The following NACC2 variants were observed in gnomAD, a reference collection of about 807,000 sequenced individuals.
The protein encoded by NACC2 is NACC family member 2.
In NACC2, 8 loss-of-function variants were observed where a neutral mutation model predicts 25.1. The ratio of observed to expected loss-of-function variants is 0.32; its 90% CI spans 0.19 to 0.57. NACC2 has a LOEUF of 0.57. Ranked by LOEUF, NACC2 falls within the 20% of genes least tolerant of loss-of-function variation. NACC2 has a pLI of 0.89. For synonymous variants in NACC2, 435 were observed against 294.7 expected, an observed-to-expected ratio of 1.48 and a Z score of -4.88; for missense variants, 644 against 650.2, an observed-to-expected ratio of 0.99 and a Z score of 0.10.
intron 1 of NACC2, among the ~76,000 whole-genome samples, chr9:136,085,189 G>A (rs1243026310): frequency 2.9e-5 from 3 of 104,464 alleles, no homozygotes; most frequent in Admixed American, 3.0e-4. Context: ...CGCTCTTGTC[G>A]CCCAGGCTGG....
chr9:136,027,005 G>T (rs529466198), intron 2 of NACC2, among the ~76,000 whole-genome samples: 2 of 152,178 alleles, frequency 1.3e-5, no homozygotes, highest in African/African-American at 2.4e-5. Context: ...GAAGCAGGGG[G>T]ATCACCCAAG....
At chr9:136,066,033 A>C (rs1193988656) in intron 1 of NACC2, among the ~76,000 whole-genome samples, 1 of 151,970 alleles carries the variant, frequency 6.6e-6, no homozygotes, top group African/African-American at 2.4e-5. Context: ...ATCTCTACTA[A>C]AAATACAAAA....
intron 5 of NACC2, among the ~76,000 whole-genome samples, chr9:136,012,364 C>G (rs1234361768): frequency 6.6e-6 from 1 of 152,260 alleles, no homozygotes; most frequent in Non-Finnish European, 1.5e-5. Context: ...GAGGGTCCCC[C>G]TTTCGGGAAT....
intron 1 of NACC2, among the ~76,000 whole-genome samples, chr9:136,075,491 T>C (rs1830252303): frequency 6.6e-6 from 1 of 152,230 alleles, no homozygotes; most frequent in Non-Finnish European, 1.5e-5. Context: ...ACCTGCCGTC[T>C]CCTACATCGC....
rs527391062 is a variant in NACC2 at position 136,019,320 on chromosome 9, G to A, written c.887-2891C>T. 15 of 152,254 alleles carry A rather than the reference G, an allele frequency of 9.9e-5. No individual in the cohort carries two copies. Among genetic ancestry groups the A allele is most frequent in the Non-Finnish European group, 1.9e-4 (13 of 68,072 alleles). The allele number at this position is 152,254 out of a possible 1,614,324, so 9.4% of individuals were successfully genotyped here. A position where few individuals can be genotyped will look rare whatever the true frequency, so the allele number is the denominator to read the frequency against. ...GGCCCCGTGAGTCGGGGCCAGAGCT[G>A]GGTTCCAGGGTGGCAGGAGGCCCCT... On this transcript the variant is annotated intron_variant, in intron 2 of 5. Transcript: ENST00000277554. This position sits in a 1 kb window ranked among gnomAD's most constrained non-coding sequence, Gnocchi z 5.2.
intron 1 of NACC2, among the ~76,000 whole-genome samples, chr9:136,082,432 G>A (rs1048761476): frequency 6.6e-6 from 1 of 152,186 alleles, no homozygotes; most frequent in Non-Finnish European, 1.5e-5. Flanking sequence ...GGGCAGGTGT[G>A]CACAGGGCCG....
chr9:136,012,066 G>A (rs760959919), intron 5 of NACC2, 42 bp from the exon 6 acceptor site: 37 of 1,472,258 alleles, frequency 2.5e-5, no homozygotes, highest in Middle Eastern at 1.8e-4. Flanking sequence ...CCTGCCTGCC[G>A]GGAGGCCCGC....
intron 1 of NACC2, among the ~76,000 whole-genome samples, chr9:136,087,451 G>A (rs946103858): frequency 2.0e-5 from 3 of 152,202 alleles, no homozygotes; most frequent in African/African-American, 4.8e-5. Context: ...AGACTCCCAC[G>A]GGGACCCCCA....
intron 2 of NACC2, among the ~76,000 whole-genome samples, chr9:136,041,062 A>G (rs1340458613): frequency 6.7e-6 from 1 of 149,134 alleles, no homozygotes; most frequent in Non-Finnish European, 1.5e-5. Context: ...AAGGAAGGAA[A>G]GGAAGGAAGG....
chr9:136,043,518 C>T (rs944405399), intron 2 of NACC2, among the ~76,000 whole-genome samples: 93 of 152,352 alleles, frequency 6.1e-4, no homozygotes, highest in Non-Finnish European at 9.8e-4. Context: ...GGTGGGAGTG[C>T]GGCCTCATGC....
At chr9:136,057,616 C>G (rs538383619) in intron 1 of NACC2, among the ~76,000 whole-genome samples, 108 of 152,246 alleles carry the variant, frequency 7.1e-4, no homozygotes, top group Non-Finnish European at 1.4e-3. Context: ...AGTTTAATAA[C>G]TTAAAAAGCC....
At chr9:136,072,892 C>G (rs575893083) in intron 1 of NACC2, among the ~76,000 whole-genome samples, 1 of 151,912 alleles carries the variant, frequency 6.6e-6, no homozygotes, top group South Asian at 2.1e-4. Flanking sequence ...GAATTGGAGA[C>G]TTAAACATAA....
Position 136,007,883 on chromosome 9 carries a change from G to C in NACC2, c.*3633C>G, listed in dbSNP as rs901355167. 4 of 152,286 alleles carry C rather than the reference G, an allele frequency of 2.6e-5. No individual in the cohort carries two copies. The highest frequency in any genetic ancestry group is 5.9e-5 in the Non-Finnish European group (4 of 68,088). The allele number at this position is 152,286 out of a possible 1,614,324, so 9.4% of individuals were successfully genotyped here. A position where few individuals can be genotyped will look rare whatever the true frequency, so the allele number is the denominator to read the frequency against. On this transcript the variant is annotated 3_prime_UTR_variant, in exon 6 of 6. Transcript: ENST00000277554. ...CAGTTTCAGCTGTCGAATGAGGACA[G>C]GTCAGGGTCAGGCACTAGAGCCCCC...
chr9:136,051,916 T>A (rs1347867023), intron 1 of NACC2, among the ~76,000 whole-genome samples: 167 of 141,322 alleles, frequency 1.2e-3, no homozygotes, highest in African/African-American at 3.1e-3. Flanking sequence ...GAGGAGATGG[T>A]GGAGGAGGAG....
chr9:136,050,111 G>A lies in NACC2; in HGVS notation c.411C>T (p.Asp137=), dbSNP rs1840797443. 8 of 756,010 alleles carry A rather than the reference G, an allele frequency of 1.1e-5. No homozygotes were observed. The highest frequency in any genetic ancestry group is 6.9e-5 in the South Asian group (5 of 72,924). 46.8% of individuals were successfully genotyped at this position (756,010 alleles called of 1,614,324 possible). The change falls in exon 2 of 6, where the codon GAC becomes GAT. Residue 137 remains aspartate, a synonymous_variant. Coordinates refer to ENST00000277554, the MANE Select transcript of NACC2 (RefSeq NM_144653.5). The part of the protein sequence containing the change: ...HCDSQTAVIE[D]AGSEPQSPCN... ...AGGGGCTCTGGGGCTCGGAGCCGGC[G>A]TCCTCGATCACAGCGGTCTGCGAGT...
chr9:136,091,217 C>T (rs1452989621), intron 1 of NACC2, among the ~76,000 whole-genome samples: 1 of 152,126 alleles, frequency 6.6e-6, no homozygotes, highest in East Asian at 1.9e-4. Context: ...AGCCCCCAGG[C>T]CAGCCCCAGC....
chr9:136,040,588 C>T (rs1245216858), intron 2 of NACC2, among the ~76,000 whole-genome samples: 2 of 151,942 alleles, frequency 1.3e-5, no homozygotes, highest in Non-Finnish European at 2.9e-5. Flanking sequence ...AGCCAACAAG[C>T]GGAAACATTC....
chr9:136,090,905 T>C (rs1830428120), intron 1 of NACC2, among the ~76,000 whole-genome samples: 1 of 152,000 alleles, frequency 6.6e-6, no homozygotes. Flanking sequence ...TATGGGCACT[T>C]TCAGGCCCCT....
At chr9:136,090,679 G>A (rs1364495294) in intron 1 of NACC2, among the ~76,000 whole-genome samples, 2 of 152,212 alleles carry the variant, frequency 1.3e-5, no homozygotes, top group Non-Finnish European at 2.9e-5. Flanking sequence ...TGACTATGGA[G>A]GGCTGGGGGG....
Sources: allele counts gnomAD v4.1 joint callset (sites outside exome capture counted in the v4.1 genomes callset), GRCh38; gene constraint gnomAD v4.1.1; non-coding constraint Gnocchi (gnomAD v3.1); transcripts MANE v1.5; gene names NCBI Gene and HGNC (gene_info 2026-07-23, HGNC 2026-07-21).